The following PLAAT2 variants were observed in gnomAD, a reference collection of about 807,000 sequenced individuals.
PLAAT2 encodes the protein phospholipase A and acyltransferase 2.
Under a neutral mutation model 12.8 loss-of-function variants are expected in PLAAT2, and 12 were observed. That is an observed-to-expected ratio of 0.94 (90% CI 0.60 to 1.52). The LOEUF (loss-of-function observed/expected upper bound fraction) is 1.52. PLAAT2 is among the 40% of genes most tolerant of loss of function. The pLI is 0.00. For synonymous variants in PLAAT2, 79 were observed against 86.8 expected (o/e 0.91, Z 0.50); for missense variants, 166 against 208.1 (o/e 0.80, Z 1.24).
At chr11:63,562,801 G>A (rs1384341940) in intron 1 of PLAAT2, among the ~76,000 whole-genome samples, 1 of 152,208 alleles carries the variant, frequency 6.6e-6, no homozygotes, top group Non-Finnish European at 1.5e-5. Flanking sequence ...AGGAATTGGA[G>A]GGAAGGAGGG....
intron 3 of PLAAT2, among the ~76,000 whole-genome samples, chr11:63,557,920 G>A (rs557649935): frequency 6.6e-6 from 1 of 152,240 alleles, no homozygotes; most frequent in East Asian, 1.9e-4. Flanking sequence ...ATCAGGCTGG[G>A]CTCGGGTGTG....
chr11:63,558,789 C>T (rs566853710), intron 2 of PLAAT2, 129 bp from the exon 3 acceptor site: 2 of 1,163,328 alleles, frequency 1.7e-6, no homozygotes, highest in Non-Finnish European at 2.5e-6. Flanking sequence ...CCTGCCTGGC[C>T]TCAAACTTGA....
At position 63,561,218 on chromosome 11, in the gene PLAAT2, T is replaced by G. The variant is rs371637562; in HGVS notation, c.10-1025A>C. Among the ~76,000 whole-genome samples, 88 of 152,260 alleles carry G rather than the reference T, an allele frequency of 5.8e-4. 1 individual carries two copies. In the South Asian group the frequency reaches 0.018, roughly 31 times the overall value. On this transcript the variant is annotated intron_variant, in intron 1 of 3. Coordinates refer to ENST00000255695, the MANE Select transcript of PLAAT2 (RefSeq NM_017878.2). ...CATTATTCTAAGTGAAATAACTCAG[T>G]AATGGAAAATCAAACATCCTATGTT...
chr11:63,558,589 G>C lies in PLAAT2; in HGVS notation c.190C>G (p.Leu64Val), dbSNP rs916038965. 1 of 1,614,234 alleles carries C rather than the reference G, an allele frequency of 6.2e-7. No individual in the cohort carries two copies. The highest frequency in any genetic ancestry group is 8.5e-7 in the Non-Finnish European group (1 of 1,180,042). The change falls in exon 3 of 4, where the codon CTG (leucine) becomes GTG (valine). Residue 64 changes from leucine (L) to valine (V), a missense_variant. Leu to Val is a conservative substitution (Grantham distance 32). Transcript: ENST00000255695. ...LTNKAIVKKE[L>V]LSVVAGGDNY... Reference sequence around the variant, plus strand: ...TCTCCCCCAGCCACCACAGACAGCAGTTCCTTCTTCACTATGGCTTTGTTG... The same window carrying C: ...TCTCCCCCAGCCACCACAGACAGCACTTCCTTCTTCACTATGGCTTTGTTG...
chr11:63,563,624 C>T (rs2017538322), upstream of PLAAT2, among the ~76,000 whole-genome samples: 1 of 1,180 alleles, frequency 8.5e-4, no homozygotes, highest in Admixed American at 0.025. Flanking sequence ...GAGGCCGAGG[C>T]AGGAAATGGC....
At chr11:63,557,973 A>G (rs560798426) in intron 3 of PLAAT2, among the ~76,000 whole-genome samples, 1 of 152,212 alleles carries the variant, frequency 6.6e-6, no homozygotes, top group Middle Eastern at 3.4e-3. Context: ...CCTTGGAGAG[A>G]ACACATGTAG....
chr11:63,557,152 T>C (rs1322055968), intron 3 of PLAAT2, among the ~76,000 whole-genome samples: 2 of 152,178 alleles, frequency 1.3e-5, no homozygotes, highest in Non-Finnish European at 2.9e-5. Context: ...CCAAAATCCA[T>C]CCTTTCCTTT....
chr11:63,558,700 G>T (rs1381723627), intron 2 of PLAAT2, 40 bp from the exon 3 acceptor site: 1 of 1,605,710 alleles, frequency 6.2e-7, no homozygotes, highest in Admixed American at 1.7e-5. Flanking sequence ...AGGGCCTGGG[G>T]GGCTCAGAGC....
At chr11:63,559,810 A>G (rs529652163) in intron 2 of PLAAT2, among the ~76,000 whole-genome samples, 3 of 152,242 alleles carry the variant, frequency 2.0e-5, no homozygotes, top group African/African-American at 4.8e-5. Flanking sequence ...ACAAATACAT[A>G]GGAGATCCCA....
At chr11:63,561,454 G>A (rs1358043288) in intron 1 of PLAAT2, among the ~76,000 whole-genome samples, 2 of 151,972 alleles carry the variant, frequency 1.3e-5, no homozygotes, top group Non-Finnish European at 2.9e-5. Context: ...GACCAGCCTG[G>A]CCAACATGGT....
chr11:63,558,437 C>T lies in PLAAT2; in HGVS notation c.342G>A (p.Glu114=), dbSNP rs2017487808. 1 of 1,614,240 alleles carries T rather than the reference C, an allele frequency of 6.2e-7. No homozygotes were observed. The highest frequency in any genetic ancestry group is 8.5e-7 in the Non-Finnish European group (1 of 1,180,052). ...LPYSLTSDNC[E]HFVNHLRYGV... ...CATAGCGCAGATGGTTCACGAAGTGCTCGCAGTTGTCACTGGTCAGCGAAT... is the reference window on the plus strand; with the variant it reads ...CATAGCGCAGATGGTTCACGAAGTGTTCGCAGTTGTCACTGGTCAGCGAAT... Residue 114 remains glutamate (E), a synonymous_variant, in exon 3 of 4, where the codon GAG becomes GAA. Transcript: ENST00000255695.
At chr11:63,563,618 C>T (rs1168448355), upstream of PLAAT2, among the ~76,000 whole-genome samples, 1 of 4,652 alleles carries the variant, frequency 2.1e-4, no homozygotes, top group Admixed American at 1.7e-3. Flanking sequence ...ACTCCAGAGG[C>T]CGAGGCAGGA....
At chr11:63,563,380 A>G, upstream of PLAAT2, 1 of 1,611,266 alleles carries the variant, frequency 6.2e-7, no homozygotes, top group South Asian at 1.1e-5. Context: ...GCCTTAAATT[A>G]GCTCTGAGTT....
At chr11:63,553,500 A>C (rs1428921738) in intron 3 of PLAAT2, among the ~76,000 whole-genome samples, 2 of 151,636 alleles carry the variant, frequency 1.3e-5, no homozygotes, top group South Asian at 2.1e-4. Context: ...AAAAAAAAAA[A>C]CAGCTGAGTC....
intron 1 of PLAAT2, among the ~76,000 whole-genome samples, chr11:63,561,349 G>A (rs532500502): frequency 3.9e-5 from 6 of 152,088 alleles, no homozygotes; most frequent in Non-Finnish European, 8.8e-5. Flanking sequence ...AGGAATAAAC[G>A]ACTACACACT....
chr11:63,564,060 C>T (rs541711731), upstream of PLAAT2, among the ~76,000 whole-genome samples: 5 of 152,210 alleles, frequency 3.3e-5, no homozygotes, highest in African/African-American at 4.8e-5. Flanking sequence ...TGATGGTTGC[C>T]GGGACAGGCA....
intron 1 of PLAAT2, 95 bp downstream of exon 1, chr11:63,563,221 G>T (rs370149314): frequency 1.2e-5 from 18 of 1,456,786 alleles, no homozygotes; most frequent in East Asian, 1.1e-4. Flanking sequence ...TGCCCTCCAT[G>T]CCAGAGCTGT....
At chr11:63,556,862 G>A (rs1367920961) in intron 3 of PLAAT2, among the ~76,000 whole-genome samples, 2 of 152,190 alleles carry the variant, frequency 1.3e-5, no homozygotes, top group East Asian at 1.9e-4. Context: ...ATGCAACCAC[G>A]TCGAGGCTCC....
At chr11:63,553,502 A>G (rs947810033) in intron 3 of PLAAT2, among the ~76,000 whole-genome samples, 7 of 150,730 alleles carry the variant, frequency 4.6e-5, no homozygotes, top group Admixed American at 1.3e-4. Flanking sequence ...AAAAAAAAAC[A>G]GCTGAGTCCA....
Sources: gnomAD v4.1 joint callset for allele counts (sites outside exome capture counted in the v4.1 genomes callset) on GRCh38, gnomAD v4.1.1 for gene constraint, MANE v1.5 for transcripts, NCBI Gene and HGNC (gene_info 2026-07-23, HGNC 2026-07-21) for gene names.